The following PREX2 variants were observed in gnomAD, a reference collection of about 807,000 sequenced individuals.
PREX2 encodes phosphatidylinositol 3,4,5-trisphosphate-dependent Rac exchanger 2 protein.
In PREX2, 107 loss-of-function variants were observed where a neutral mutation model predicts 203.2. The ratio of observed to expected loss-of-function variants is 0.53; its 90% CI spans 0.45 to 0.62. PREX2 has a LOEUF of 0.62. Among genes scored for constraint, PREX2 ranks in the 20% least tolerant of loss-of-function variants. The probability of loss-of-function intolerance (pLI) is 0.00; values close to 1 mark genes in which losing one functional copy is unlikely to be tolerated. For synonymous variants in PREX2, 672 were observed against 663.6 expected, an observed-to-expected ratio of 1.01 and a Z score of -0.19; for missense variants, 1,777 against 1,955.9, an observed-to-expected ratio of 0.91 and a Z score of 1.72.
chr8:68,184,487 A>G (rs1812149109), intron 35 of PREX2, among the ~76,000 whole-genome samples: 1 of 152,220 alleles, frequency 6.6e-6, no homozygotes, highest in African/African-American at 2.4e-5. Context: ...TGTAAAATGC[A>G]TAAAAGCAAC....
intron 36 of PREX2, 63 bp from the exon 37 acceptor site, chr8:68,192,272 A>G (rs1174498909): frequency 3.0e-6 from 4 of 1,313,030 alleles, no homozygotes; most frequent in Non-Finnish European, 4.2e-6. Flanking sequence ...CAGCTATACC[A>G]ACCTATCTAA....
At chr8:68,106,417 G>C in intron 23 of PREX2, 1 of 456,420 alleles carries the variant, frequency 2.2e-6, no homozygotes, top group Admixed American at 2.9e-5. Context: ...AAAATGTTTA[G>C]GATAAATTTT....
chr8:68,088,068 A>G (rs1036045374), intron 19 of PREX2, among the ~76,000 whole-genome samples: 2 of 152,190 alleles, frequency 1.3e-5, no homozygotes, highest in Non-Finnish European at 2.9e-5. Flanking sequence ...TTATCCAAAG[A>G]ATATAATAAA....
At chr8:68,160,522 A>G (rs968996188) in intron 35 of PREX2, among the ~76,000 whole-genome samples, 5 of 152,092 alleles carry the variant, frequency 3.3e-5, no homozygotes, top group Non-Finnish European at 7.4e-5. Context: ...GCTAAACACC[A>G]TTTCTTATTT....
rs1162971035 is a variant in PREX2, at chr8:68,217,608, G to T, written c.4605-8G>T. 6.2e-7 allele frequency: 1 copy of T among 1,612,876 alleles called. No individual in the cohort carries two copies. Among genetic ancestry groups the T allele is most frequent in the Non-Finnish European group, 8.5e-7 (1 of 1,178,992 alleles). On this transcript the variant is annotated splice_polypyrimidine_tract_variant and splice_region_variant and intron_variant, in intron 37 of 39. Coordinates refer to ENST00000288368, the MANE Select transcript of PREX2 (RefSeq NM_024870.4). ...TGGGGTCTGACTTGCCCTTGCCTTG[G>T]CCCACAGGTGCACCCTGAGCGTGAC...
At chr8:68,085,606 T>G (rs1809657757) in intron 18 of PREX2, among the ~76,000 whole-genome samples, 1 of 152,180 alleles carries the variant, frequency 6.6e-6, no homozygotes, top group Non-Finnish European at 1.5e-5. Context: ...TACACTTATT[T>G]TCTGTAGGAA....
intron 25 of PREX2, among the ~76,000 whole-genome samples, chr8:68,115,021 CTTTTT>C (rs5892137): frequency 1.2e-5 from 1 of 86,866 alleles, no homozygotes; most frequent in Non-Finnish European, 2.1e-5. Flanking sequence ...TCTTTTCTTT[CTTTTT>C]TTTTTTTTTT....
rs16933992 is a variant in PREX2 at position 68,005,320 on chromosome 8, C to T, written c.142-12526C>T. Reference sequence around the variant, plus strand: ...CTCACCACCTTACCCACAGCACCATCGTCTTTCACTTGTCTTATTTCAGTG... The same window carrying T: ...CTCACCACCTTACCCACAGCACCATTGTCTTTCACTTGTCTTATTTCAGTG... On this transcript the variant is annotated intron_variant, in intron 1 of 39. Transcript: ENST00000288368. 7.2e-3 allele frequency among the ~76,000 whole-genome samples: 1,096 copies of T among 152,300 alleles called. 10 individuals are homozygous for T. Among genetic ancestry groups the T allele is most frequent in the African/African-American group, 0.022 (923 of 41,554 alleles).
intron 1 of PREX2, among the ~76,000 whole-genome samples, chr8:68,016,924 T>C (rs1269385194): frequency 2.0e-5 from 3 of 152,200 alleles, no homozygotes; most frequent in Non-Finnish European, 4.4e-5. Flanking sequence ...GAAATACCCA[T>C]TTAAAAATTT....
chr8:68,198,621 G>A (rs774416289), intron 37 of PREX2, among the ~76,000 whole-genome samples: 6 of 152,116 alleles, frequency 3.9e-5, no homozygotes, highest in South Asian at 2.1e-4. Flanking sequence ...TATAAAGCCC[G>A]AAGCATGAGT....
intron 1 of PREX2, among the ~76,000 whole-genome samples, chr8:67,995,971 A>G (rs1181978253): frequency 1.3e-5 from 2 of 152,186 alleles, no homozygotes; most frequent in Non-Finnish European, 2.9e-5. Context: ...CAGCTGTTTC[A>G]TAGCCTCACC....
chr8:68,172,699 C>A (rs1811904165), intron 35 of PREX2, among the ~76,000 whole-genome samples: 1 of 152,046 alleles, frequency 6.6e-6, no homozygotes, highest in African/African-American at 2.4e-5. Context: ...GGGATATTTT[C>A]TAGCAGAGGG....
At chr8:68,149,596 C>G (rs1424865480) in intron 34 of PREX2, among the ~76,000 whole-genome samples, 1 of 152,142 alleles carries the variant, frequency 6.6e-6, no homozygotes, top group Non-Finnish European at 1.5e-5. Context: ...AATGAGAGTA[C>G]AAAGAGGATA....
chr8:68,137,818 A>G (rs1811143341), intron 32 of PREX2, among the ~76,000 whole-genome samples: 1 of 152,220 alleles, frequency 6.6e-6, no homozygotes, highest in Non-Finnish European at 1.5e-5. Context: ...AATGATTAAA[A>G]CAAACCAGAT....
In PREX2 at chr8:68,080,444, C is replaced by A; in HGVS notation, c.1644C>A (p.Val548=). 6.2e-7 allele frequency: 1 copy of A among 1,610,390 alleles called. No homozygotes were observed. Among genetic ancestry groups the A allele is most frequent in the Non-Finnish European group, 8.5e-7 (1 of 1,179,042 alleles). Residue 548 remains valine, a splice_region_variant and synonymous_variant, in exon 16 of 40, where the codon GTC becomes GTA. Coordinates refer to ENST00000288368, the MANE Select transcript of PREX2 (RefSeq NM_024870.4). ...ATTTGCATCTGTCTTTTTCTGTAGT[C>A]CTTGAAAAAAGCGAATTCAAAGATG... ...GLCDNGFMHH[V]LEKSEFKDEP...
intron 34 of PREX2, among the ~76,000 whole-genome samples, chr8:68,147,396 G>A (rs1342297444): frequency 1.3e-5 from 2 of 152,124 alleles, no homozygotes; most frequent in Admixed American, 1.3e-4. Flanking sequence ...CCTGGTGGGA[G>A]GTAATTGAAT....
At chr8:68,131,669 G>C (rs1451606621) in intron 31 of PREX2, among the ~76,000 whole-genome samples, 1 of 152,156 alleles carries the variant, frequency 6.6e-6, no homozygotes, top group Non-Finnish European at 1.5e-5. Context: ...GCAGAGTATA[G>C]AATAAACATC....
At chr8:68,173,743 AC>A (rs1811925759) in intron 35 of PREX2, among the ~76,000 whole-genome samples, 1 of 152,152 alleles carries the variant, frequency 6.6e-6, no homozygotes, top group Non-Finnish European at 1.5e-5. Context: ...ATTCTGGCTG[AC>A]AAGTAGGAGC....
chr8:68,213,440 C>T (rs866215872), intron 37 of PREX2, among the ~76,000 whole-genome samples: 1 of 152,188 alleles, frequency 6.6e-6, no homozygotes, highest in Admixed American at 6.5e-5. Flanking sequence ...TAAATCCACT[C>T]CTGCCAGCAA....
Sources: allele counts gnomAD v4.1 joint callset (sites outside exome capture counted in the v4.1 genomes callset), GRCh38; gene constraint gnomAD v4.1.1; transcripts MANE v1.5; gene names NCBI Gene and HGNC (gene_info 2026-07-23, HGNC 2026-07-21).